The following CPXM2 variants were observed in gnomAD, a reference collection of about 807,000 sequenced individuals.
CPXM2 encodes the protein carboxypeptidase X, M14 family member 2, also known as inactive carboxypeptidase-like protein X2.
CPXM2 carries 66 observed loss-of-function variants against 86.1 expected under a neutral mutation model. That is an observed-to-expected ratio of 0.77 (90% CI 0.63 to 0.94). CPXM2 has a LOEUF of 0.94. CPXM2 is among the 40% of genes least tolerant of loss of function. CPXM2 has a pLI of 0.00. For synonymous variants in CPXM2, 388 were observed against 400.2 expected, an observed-to-expected ratio of 0.97 and a Z score of 0.36; for missense variants, 948 against 1,026.3, an observed-to-expected ratio of 0.92 and a Z score of 1.04.
intron 4 of CPXM2, among the ~76,000 whole-genome samples, chr10:123,830,889 T>TCC (rs1848153975): frequency 6.6e-6 from 1 of 151,524 alleles, no homozygotes; most frequent in Non-Finnish European, 1.5e-5. Flanking sequence ...TGTGTGTGTG[T>TCC]GTGTGTGTGT....
chr10:123,878,507 G>A (rs1308727423), intron 2 of CPXM2, among the ~76,000 whole-genome samples: 3 of 7,328 alleles, frequency 4.1e-4, no homozygotes, highest in South Asian at 8.6e-3. Context: ...AAATTCAGAC[G>A]TGTGTGTGTG....
intron 13 of CPXM2, among the ~76,000 whole-genome samples, chr10:123,749,076 C>G (rs542777875): frequency 6.6e-6 from 1 of 152,170 alleles, no homozygotes; most frequent in South Asian, 2.1e-4. Flanking sequence ...AGTGAGCAAC[C>G]AGGACAGCAT....
At chr10:123,893,665 C>G (rs944870794), upstream of CPXM2, among the ~76,000 whole-genome samples, 2 of 151,972 alleles carry the variant, frequency 1.3e-5, no homozygotes, top group Admixed American at 1.3e-4. Context: ...TTCCTGGATC[C>G]CCACCCACCC....
chr10:123,798,127 C>T lies in CPXM2; in HGVS notation c.739-1G>A. On this transcript the variant is annotated splice_acceptor_variant, in intron 5 of 13. Coordinates refer to ENST00000241305, the MANE Select transcript of CPXM2 (RefSeq NM_198148.3). LOFTEE classifies it high-confidence loss of function. ...CCTTCTCACTGTTTCCCTCAAATATCTATTTATGCTCATGGGAGAAAAGGA... is the reference window on the plus strand; with the variant it reads ...CCTTCTCACTGTTTCCCTCAAATATTTATTTATGCTCATGGGAGAAAAGGA... 2 of 1,593,976 alleles carry T rather than the reference C, an allele frequency of 1.3e-6. No individual in the cohort carries two copies. Among genetic ancestry groups the T allele is most frequent in the East Asian group, 2.3e-5 (1 of 43,920 alleles).
At chr10:123,750,516 C>T in intron 13 of CPXM2, 3 of 985,362 alleles carry the variant, frequency 3.0e-6, no homozygotes, top group African/African-American at 1.7e-5. Context: ...TTGGCTTTCC[C>T]ACCTATTTGT....
At chr10:123,890,863 G>A (rs1945254877) in intron 1 of CPXM2, among the ~76,000 whole-genome samples, 1 of 152,192 alleles carries the variant, frequency 6.6e-6, no homozygotes, top group Non-Finnish European at 1.5e-5. Flanking sequence ...GAGACCCGCT[G>A]AGAGTGGGAA....
At chr10:123,876,836 T>C (rs976006667) in intron 2 of CPXM2, among the ~76,000 whole-genome samples, 1 of 152,246 alleles carries the variant, frequency 6.6e-6, no homozygotes, top group Non-Finnish European at 1.5e-5. Flanking sequence ...TGTGCAGACA[T>C]TATTTAATCT....
At chr10:123,869,289 C>T (rs1272016456) in intron 2 of CPXM2, among the ~76,000 whole-genome samples, 1 of 152,190 alleles carries the variant, frequency 6.6e-6, no homozygotes, top group Non-Finnish European at 1.5e-5. Context: ...CAATTAATCG[C>T]TCAGTGACTC....
chr10:123,833,772 C>T (rs996990586), intron 4 of CPXM2, among the ~76,000 whole-genome samples: 1 of 152,176 alleles, frequency 6.6e-6, no homozygotes, highest in Non-Finnish European at 1.5e-5. Flanking sequence ...TGAGAGCCAT[C>T]AGAGAACCGA....
chr10:123,807,379 C>T (rs1448632451), intron 4 of CPXM2, among the ~76,000 whole-genome samples: 2 of 152,140 alleles, frequency 1.3e-5, no homozygotes, highest in African/African-American at 4.8e-5. Flanking sequence ...GATACTTGCC[C>T]ATCTGTATGA....
chr10:123,891,652 C>T lies in CPXM2; in HGVS notation c.8G>A (p.Arg3His). 7.0e-6 allele frequency: 10 copies of T among 1,431,252 alleles called. No homozygotes were observed. Among genetic ancestry groups the T allele is most frequent in the African/African-American group, 1.5e-5 (1 of 66,612 alleles). The allele number at this position is 1,431,252 out of a possible 1,614,324, so 88.7% of individuals were successfully genotyped here. Residue 3 changes from arginine (R) to histidine (H), a missense_variant, in exon 1 of 14, where the codon CGC becomes CAC. Transcript: ENST00000241305. This position sits in a 1 kb window ranked among gnomAD's most constrained non-coding sequence, Gnocchi z 5.6. MS[R>H]PGTATPALAL... ...CAGCGCTGGGGTAGCGGTCCCCGGG[C>T]GGGACATGCCTGCTCCGCCCCGCGC...
chr10:123,936,556 AT>A (rs1213049153), intron 2 of CPXM2, among the ~76,000 whole-genome samples: 3 of 152,200 alleles, frequency 2.0e-5, no homozygotes, highest in Non-Finnish European at 4.4e-5. Flanking sequence ...TCTCAGCACC[AT>A]GATGCATCCA....
chr10:123,854,377 ATATATATAAT>A (rs1848668002), intron 3 of CPXM2, among the ~76,000 whole-genome samples: 1 of 120,676 alleles, frequency 8.3e-6, no homozygotes, highest in Admixed American at 9.7e-5. Flanking sequence ...TATATATAAT[ATATATATAAT>A]ATATATATTA....
intron 6 of CPXM2, among the ~76,000 whole-genome samples, chr10:123,797,679 C>T (rs1012062068): frequency 5.3e-5 from 8 of 152,082 alleles, no homozygotes; most frequent in Non-Finnish European, 8.8e-5. Flanking sequence ...CTGCCTCAGC[C>T]TCCCAAGTAG....
At position 123,883,611 on chromosome 10, in the gene CPXM2, G is replaced by A. The variant is rs2222187; in HGVS notation, c.305-3302C>T. ...TTGCTGGAGGAATAACAGCTAATGT[G>A]CATAGCATGGTTCAAAATTGACACG... On this transcript the variant is annotated intron_variant, in intron 1 of 13. Transcript: ENST00000241305. Among the ~76,000 whole-genome samples, 1,044 of 152,356 alleles carry A rather than the reference G, an allele frequency of 6.9e-3. 15 individuals carry two copies. The highest frequency in any genetic ancestry group is 0.024 in the African/African-American group (981 of 41,572).
intron 2 of CPXM2, among the ~76,000 whole-genome samples, chr10:123,931,084 A>T (rs775585476): frequency 3.6e-4 from 55 of 151,900 alleles, no homozygotes; most frequent in Admixed American, 1.3e-4. Context: ...CTCCTTAGTC[A>T]AGGGGGGTCT....
intron 2 of CPXM2, among the ~76,000 whole-genome samples, chr10:123,918,200 G>T (rs1945550262): frequency 6.6e-6 from 1 of 152,158 alleles, no homozygotes; most frequent in Non-Finnish European, 1.5e-5. Flanking sequence ...ATATTCACTG[G>T]TTATTTATAA....
At chr10:123,838,857 T>TACTGGGC (rs1332658007) in intron 4 of CPXM2, among the ~76,000 whole-genome samples, 1 of 152,170 alleles carries the variant, frequency 6.6e-6, no homozygotes, top group Non-Finnish European at 1.5e-5. Flanking sequence ...TCAAGCTGTT[T>TACTGGGC]ACTGGGCTCT....
chr10:123,816,410 C>T (rs114160388), intron 4 of CPXM2, among the ~76,000 whole-genome samples: 33 of 152,294 alleles, frequency 2.2e-4, no homozygotes, highest in African/African-American at 7.9e-4. Context: ...AATAATAAAT[C>T]AAAAACAGTA....
Sources: allele counts gnomAD v4.1 joint callset (sites outside exome capture counted in the v4.1 genomes callset), GRCh38; gene constraint gnomAD v4.1.1; non-coding constraint Gnocchi (gnomAD v3.1); transcripts MANE v1.5; gene names NCBI Gene and HGNC (gene_info 2026-07-23, HGNC 2026-07-21).